The following TCF3 variants were observed in gnomAD, a reference collection of about 807,000 sequenced individuals.
TCF3 encodes the protein transcription factor E2-alpha.
Under a neutral mutation model 72.3 loss-of-function variants are expected in TCF3, and 54 were observed. The ratio of observed to expected loss-of-function variants is 0.75; its 90% confidence interval spans 0.60 to 0.94. TCF3 has a LOEUF of 0.94. TCF3 is among the 40% of genes least tolerant of loss of function. TCF3 has a pLI of 0.00. For missense variants in TCF3, 1,078 were observed against 934.4 expected (o/e 1.15, Z -2.00); for synonymous variants, 525 against 412.6 (o/e 1.27, Z -3.30).
intron 3 of TCF3, among the ~76,000 whole-genome samples, chr19:1,641,275 T>A (rs1363441253): frequency 1.3e-5 from 2 of 151,706 alleles, no homozygotes; most frequent in Non-Finnish European, 1.5e-5. Flanking sequence ...TAAAAGCTAA[T>A]CTCAGAAGGT....
rs548578853 is a variant in TCF3 at position 1,611,723 on chromosome 19, G to C, written c.1949C>G (p.Pro650Arg). 5.0e-6 allele frequency: 8 copies of C among 1,613,606 alleles called. No individual in the cohort carries two copies. In the South Asian group the frequency reaches 7.7e-5, roughly 16 times the overall value. ...GCATACCTTTCACATGTGCCCGGCG[G>C]GGTTGTGGGCTTCGCTCAGGCCTGG... ...PHPGLSEAHN[P>R]AGHM The change falls in exon 19 of 19, where the codon CCC becomes CGC. Residue 650 changes from proline to arginine, a missense_variant. Physicochemically the swap from Pro to Arg is moderately radical, Grantham distance 103. Transcript: ENST00000262965.
At chr19:1,636,002 G>A (rs935313945) in intron 3 of TCF3, among the ~76,000 whole-genome samples, 1 of 152,120 alleles carries the variant, frequency 6.6e-6, no homozygotes, top group Non-Finnish European at 1.5e-5. Context: ...GAAGGACCCC[G>A]ATGGCAGCCT....
chr19:1,615,619 G>T lies in TCF3; in HGVS notation c.1586+67C>A, dbSNP rs758352697. On this transcript the variant is annotated intron_variant, in intron 17 of 18. Coordinates refer to ENST00000262965, the MANE Select transcript of TCF3 (RefSeq NM_003200.5). The surrounding 1 kb of genome is among the most constrained non-coding windows in gnomAD (Gnocchi z 7.3). ...GCCTCCCAGTGTGGGTGCGGTGTGC[G>T]TGTGGCCTGTGCACATGTGCGTCCT... is the stretch of plus-strand genomic sequence containing the variant. The T allele has an allele frequency of 6.2e-7, 1 of 1,610,368 alleles. No homozygotes were observed. Among genetic ancestry groups the T allele is most frequent in the South Asian group, 1.1e-5 (1 of 91,068 alleles).
chr19:1,612,458 G>C, intron 18 of TCF3: 2 of 1,357,912 alleles, frequency 1.5e-6, no homozygotes, highest in Non-Finnish European at 2.0e-6. Flanking sequence ...CGAGGCCTCT[G>C]TTAGTGATGC....
At chr19:1,612,900 A>AG (rs1453633140) in intron 18 of TCF3, among the ~76,000 whole-genome samples, 1 of 146,346 alleles carries the variant, frequency 6.8e-6, no homozygotes, top group Non-Finnish European at 1.5e-5. Context: ...GGGTGTGGAC[A>AG]GCAGTGGGGG....
At chr19:1,639,646 TAAGCCAA>T (rs894090420) in intron 3 of TCF3, among the ~76,000 whole-genome samples, 16 of 149,110 alleles carry the variant, frequency 1.1e-4, no homozygotes, top group African/African-American at 4.0e-4. Context: ...AGCTACCGTT[TAAGCCAA>T]AGCTGAGTTT....
chr19:1,619,809 G>T lies in TCF3; in HGVS notation c.1138C>A (p.Pro380Thr). Residue 380 changes from proline to threonine, a missense_variant, in exon 14 of 19, where the codon CCC (proline) becomes ACC (threonine). Physicochemically the swap from Pro to Thr is conservative, Grantham distance 38 (BLOSUM62 -1). Coordinates refer to ENST00000262965, the MANE Select transcript of TCF3 (RefSeq NM_003200.5). ...PRAGAPGALS[P>T]SYDGGLHGLQ... is the part of the protein sequence containing the mutation. Reference sequence around the variant, plus strand: ...CCGTGGAGACCCCCGTCGTAGCTGGGCGATAAGGCACCGGGGGCTCCTGCT... The same window carrying T: ...CCGTGGAGACCCCCGTCGTAGCTGGTCGATAAGGCACCGGGGGCTCCTGCT... 6.4e-7 allele frequency: 1 copy of T among 1,571,262 alleles called. No homozygotes were observed. The highest frequency in any genetic ancestry group is 8.6e-7 in the Non-Finnish European group (1 of 1,159,192).
chr19:1,621,279 A>G, intron 11 of TCF3, 88 bp from the exon 12 acceptor site: 1 of 1,432,620 alleles, frequency 7.0e-7, no homozygotes, highest in South Asian at 1.3e-5. Flanking sequence ...CGTCCTGCAC[A>G]GACACTGCTG....
At position 1,632,352 on chromosome 19, in the gene TCF3, A is replaced by T. The variant is rs1183324909; in HGVS notation, c.199T>A (p.Ser67Thr). Residue 67 changes from serine to threonine, a missense_variant, in exon 4 of 19, where the codon TCC (serine) becomes ACC (threonine). Physicochemically the swap from Ser to Thr is moderately conservative, Grantham distance 58. Transcript: ENST00000262965. ...GSWGSGDQSSSSFDPSRTFSE... is the reference protein window; with the variant it reads ...GSWGSGDQSSTSFDPSRTFSE... ...CCTACCCGGCTGGGGTCAAAGGAGG[A>T]GCTGCTCTGGTCGCCGCTGCCCCAG... 1.9e-6 allele frequency: 3 copies of T among 1,591,316 alleles called. No individual in the cohort carries two copies. Among genetic ancestry groups the T allele is most frequent in the Non-Finnish European group, 2.6e-6 (3 of 1,169,340 alleles).
intron 3 of TCF3, among the ~76,000 whole-genome samples, chr19:1,644,951 G>A (rs1023908995): frequency 4.6e-5 from 7 of 152,252 alleles, no homozygotes; most frequent in African/African-American, 9.6e-5. Context: ...TAGCATGTCC[G>A]GTTCCTGGGG....
intron 2 of TCF3, among the ~76,000 whole-genome samples, chr19:1,648,977 A>C (rs2145735000): frequency 6.6e-6 from 1 of 152,284 alleles, no homozygotes; most frequent in African/African-American, 2.4e-5. Flanking sequence ...AGCGGCCGGT[A>C]CCCCAGGGGG....
intron 5 of TCF3, 101 bp downstream of exon 5, chr19:1,631,937 C>G (rs1433027734): frequency 6.5e-7 from 1 of 1,547,280 alleles, no homozygotes; most frequent in African/African-American, 1.4e-5. Flanking sequence ...TCTGGGTGAA[C>G]GCTGGGGACT....
intron 8 of TCF3, among the ~76,000 whole-genome samples, chr19:1,623,574 G>A (rs2062521213): frequency 6.6e-6 from 1 of 151,918 alleles, no homozygotes; most frequent in African/African-American, 2.4e-5. Flanking sequence ...AGTAGAGATG[G>A]GGTTTCACCA....
At chr19:1,631,863 C>T in intron 5 of TCF3, 175 bp downstream of exon 5, 1 of 1,495,124 alleles carries the variant, frequency 6.7e-7, no homozygotes, top group Non-Finnish European at 9.0e-7. Context: ...GAGTCCGGGC[C>T]ACGTCCCCTG....
chr19:1,609,669 GTA>G lies in TCF3; in HGVS notation c.*2036_*2037del, dbSNP rs2060853438. The G allele has an allele frequency of 4.4e-6, 1 of 226,364 alleles. No individual in the cohort carries two copies. The highest frequency in any genetic ancestry group is 6.4e-5 in the East Asian group (1 of 15,728). 14.0% of individuals were successfully genotyped at this position (226,364 alleles called of 1,614,324 possible). ...CCTTAAGAGATCAAACTCCCAGGGC[GTA>G]GGGGAAGCCACCGAGAAGGGAGAGG... On this transcript the variant is annotated 3_prime_UTR_variant, in exon 19 of 19. Coordinates refer to ENST00000262965, the MANE Select transcript of TCF3 (RefSeq NM_003200.5).
chr19:1,648,817 TGG>T (rs4030798), intron 2 of TCF3, among the ~76,000 whole-genome samples: 2,014 of 118,714 alleles, frequency 0.017, 45 homozygotes, highest in African/African-American at 0.045. Context: ...CCACTGGGCA[TGG>T]GGGGGGGGGG....
intron 16 of TCF3, among the ~76,000 whole-genome samples, chr19:1,618,505 G>A (rs535020736): frequency 2.5e-4 from 16 of 62,808 alleles, no homozygotes; most frequent in East Asian, 2.0e-3. Flanking sequence ...GCCCTGCCCC[G>A]CCCTCCCCCC....
chr19:1,643,458 C>T (rs901656319), intron 3 of TCF3, among the ~76,000 whole-genome samples: 11 of 152,202 alleles, frequency 7.2e-5, no homozygotes, highest in Admixed American at 1.3e-4. Context: ...TGCGCTCAAG[C>T]GATCCTTCCG....
At chr19:1,629,546 C>A (rs1242059279) in intron 5 of TCF3, among the ~76,000 whole-genome samples, 3 of 151,552 alleles carry the variant, frequency 2.0e-5, no homozygotes, top group Non-Finnish European at 2.9e-5. Context: ...GAGCCCCCAG[C>A]ATGGAGGGCC....
Sources: allele counts gnomAD v4.1 joint callset (sites outside exome capture counted in the v4.1 genomes callset), GRCh38; gene constraint gnomAD v4.1.1; non-coding constraint Gnocchi (gnomAD v3.1); transcripts MANE v1.5; gene names NCBI Gene and HGNC (gene_info 2026-07-23, HGNC 2026-07-21).